Variants in RHBDD1 observed in about 807,000 individuals in gnomAD.
The protein encoded by RHBDD1 is rhomboid domain containing 1.
In RHBDD1, 38 loss-of-function variants were observed where a neutral mutation model predicts 36.3. That is an observed-to-expected ratio of 1.05 (90% confidence interval 0.81 to 1.37). The LOEUF is 1.37. Ranked by LOEUF, RHBDD1 falls within the 40% of genes most tolerant of loss-of-function variation. The probability of loss-of-function intolerance (pLI) is 0.00; values close to 1 mark genes in which losing one functional copy is unlikely to be tolerated. For missense variants in RHBDD1, 393 were observed against 377.6 expected (o/e 1.04, Z -0.34); for synonymous variants, 151 against 136.5 (o/e 1.11, Z -0.74).
chr2:226,830,214 A>C, the RHBDD1 span, among the ~76,000 whole-genome samples: 1 of 152,294 alleles, frequency 6.6e-6, no homozygotes, highest in Non-Finnish European at 1.5e-5. Context: ...GGTCATGAGG[A>C]CAAAACTCTC....
intron 5 of RHBDD1, among the ~76,000 whole-genome samples, chr2:226,897,384 G>A (rs1947192239): frequency 6.6e-6 from 1 of 152,088 alleles, no homozygotes; most frequent in Non-Finnish European, 1.5e-5. Context: ...AGGAGGTAAG[G>A]ACCTTGTTTG....
chr2:226,802,029 C>A, the RHBDD1 span, among the ~76,000 whole-genome samples: 1 of 151,800 alleles, frequency 6.6e-6, no homozygotes, highest in South Asian at 2.1e-4. Flanking sequence ...CACCCCCCAC[C>A]CCCCAAAAAA....
At chr2:226,936,239 T>A (rs1000143750) in intron 8 of RHBDD1, among the ~76,000 whole-genome samples, 1 of 152,172 alleles carries the variant, frequency 6.6e-6, no homozygotes, top group Non-Finnish European at 1.5e-5. Context: ...TGTATCTAGA[T>A]GTGAAATTTT....
intron 8 of RHBDD1, among the ~76,000 whole-genome samples, chr2:226,971,387 C>T (rs1392827522): frequency 6.6e-6 from 1 of 152,220 alleles, no homozygotes; most frequent in Non-Finnish European, 1.5e-5. Flanking sequence ...TTCCTTTGCA[C>T]TGTCATCACA....
chr2:226,882,490 G>C (rs936919830), intron 5 of RHBDD1, among the ~76,000 whole-genome samples: 25 of 150,178 alleles, frequency 1.7e-4, no homozygotes, highest in Middle Eastern at 3.5e-3. Flanking sequence ...TGATAAGATG[G>C]GTTGTTTTTT....
At chr2:226,823,312 A>G in the RHBDD1 span, among the ~76,000 whole-genome samples, 2 of 152,192 alleles carry the variant, frequency 1.3e-5, no homozygotes, top group Non-Finnish European at 2.9e-5. Flanking sequence ...TTTATAAACC[A>G]CCTAGTCTAA....
intron 8 of RHBDD1, among the ~76,000 whole-genome samples, chr2:226,940,036 T>C (rs1359680614): frequency 1.3e-5 from 2 of 152,158 alleles, no homozygotes; most frequent in African/African-American, 4.8e-5. Flanking sequence ...ATTTAATAAA[T>C]GGTGCTGGGA....
At chr2:226,910,129 C>G (rs1475358121) in intron 7 of RHBDD1, among the ~76,000 whole-genome samples, 1 of 152,148 alleles carries the variant, frequency 6.6e-6, no homozygotes, top group Non-Finnish European at 1.5e-5. Flanking sequence ...TTTAACCTTA[C>G]AAAATAGGGC....
the RHBDD1 span, among the ~76,000 whole-genome samples, chr2:226,816,375 C>CAAA: frequency 0.019 from 1,223 of 64,882 alleles, 27 homozygotes; most frequent in African/African-American, 0.053. Flanking sequence ...GGAATGGTGG[C>CAAA]AAAAAAAAAA....
the RHBDD1 span, among the ~76,000 whole-genome samples, chr2:226,822,577 T>G: frequency 5.5e-5 from 8 of 145,380 alleles, no homozygotes; most frequent in Non-Finnish European, 1.2e-4. Context: ...GAGGTCGCAA[T>G]GAGCCGAGAT....
intron 8 of RHBDD1, among the ~76,000 whole-genome samples, chr2:226,927,786 T>C (rs1039768756): frequency 6.6e-6 from 1 of 152,152 alleles, no homozygotes; most frequent in African/African-American, 2.4e-5. Flanking sequence ...TTTTGTCTAC[T>C]TTTAATTGGA....
At chr2:226,839,949 A>AT (rs1941426509) in intron 3 of RHBDD1, among the ~76,000 whole-genome samples, 2 of 152,178 alleles carry the variant, frequency 1.3e-5, no homozygotes, top group African/African-American at 4.8e-5. Context: ...TAGCCCTATC[A>AT]TTTTTTTGTT....
chr2:226,987,136 A>G (rs1452093972), intron 8 of RHBDD1, among the ~76,000 whole-genome samples: 7 of 152,200 alleles, frequency 4.6e-5, no homozygotes. Flanking sequence ...ATGAGAACAC[A>G]TGGACACAGA....
At chr2:226,806,257 C>T in the RHBDD1 span, among the ~76,000 whole-genome samples, 1 of 152,058 alleles carries the variant, frequency 6.6e-6, no homozygotes. Flanking sequence ...TGGTGTTGTC[C>T]GGTGTGACTC....
rs60027437 is a variant in RHBDD1, at chr2:226,945,145, G to GATTATTATTATTATTATT, written c.856+30809_856+30826dup. 1.4e-3 allele frequency among the ~76,000 whole-genome samples: 205 copies of GATTATTATTATTATTATT among 144,810 alleles called. 1 individual carries two copies. Among genetic ancestry groups the GATTATTATTATTATTATT allele is most frequent in the Admixed American group, 2.4e-3 (34 of 14,358 alleles). On this transcript the variant is annotated intron_variant, in intron 8 of 8. Transcript: ENST00000392062. ...GGACAGTGGAAACAAGATCAAATCT[G>GATTATTATTATTATTATT]ATTATTATTATTATTATTATTATTA... is the stretch of plus-strand genomic sequence containing the variant.
At chr2:226,986,295 G>A (rs1193658260) in intron 8 of RHBDD1, among the ~76,000 whole-genome samples, 1 of 152,056 alleles carries the variant, frequency 6.6e-6, no homozygotes, top group Non-Finnish European at 1.5e-5. Flanking sequence ...AAGGAAATTA[G>A]TGAAAAAAAC....
the RHBDD1 span, among the ~76,000 whole-genome samples, chr2:226,801,630 G>C: frequency 6.6e-6 from 1 of 152,240 alleles, no homozygotes; most frequent in South Asian, 2.1e-4. Flanking sequence ...CTGACAGCTT[G>C]GTGATGTGGG....
chr2:226,897,230 C>T (rs1947168088), intron 5 of RHBDD1, among the ~76,000 whole-genome samples: 1 of 152,174 alleles, frequency 6.6e-6, no homozygotes, highest in Non-Finnish European at 1.5e-5. Context: ...ACTTAAATGA[C>T]ACCTCCTTGA....
chr2:226,932,899 A>G (rs1559287079), intron 8 of RHBDD1, among the ~76,000 whole-genome samples: 1 of 152,134 alleles, frequency 6.6e-6, no homozygotes, highest in Non-Finnish European at 1.5e-5. Flanking sequence ...TCACACTGCT[A>G]TGAAGAAATA....
Sources: allele counts gnomAD v4.1 joint callset (sites outside exome capture counted in the v4.1 genomes callset), GRCh38; gene constraint gnomAD v4.1.1; transcripts MANE v1.5; gene names NCBI Gene and HGNC (gene_info 2026-07-23, HGNC 2026-07-21).